Variants in SH3GL2 observed in about 807,000 individuals in gnomAD.
SH3GL2 encodes the protein endophilin-A1.
A neutral mutation model predicts 46.0 loss-of-function variants in SH3GL2; 24 were observed. That is an observed-to-expected ratio of 0.52 (90% CI 0.38 to 0.73). The LOEUF (loss-of-function observed/expected upper bound fraction) is 0.73. Ranked by LOEUF, SH3GL2 falls within the 30% of genes least tolerant of loss-of-function variation. The probability of loss-of-function intolerance (pLI) is 0.00; values close to 1 mark genes in which losing one functional copy is unlikely to be tolerated. For synonymous variants in SH3GL2, 196 were observed against 147.1 expected (o/e 1.33, Z -2.40); for missense variants, 413 against 424.2 (o/e 0.97, Z 0.23).
chr9:17,609,254 A>G (rs189996755), intron 1 of SH3GL2, among the ~76,000 whole-genome samples: 45 of 152,310 alleles, frequency 3.0e-4, no homozygotes, highest in Admixed American at 5.9e-4. Context: ...AGGTATAATT[A>G]GAGTTTGAAG....
chr9:17,654,960 A>G (rs569925918), intron 1 of SH3GL2, among the ~76,000 whole-genome samples: 132 of 152,346 alleles, frequency 8.7e-4, no homozygotes, highest in African/African-American at 3.0e-3. Context: ...GTGAGATTAA[A>G]TAGGTACTGG....
At chr9:17,669,672 G>A (rs1360806261) in intron 1 of SH3GL2, among the ~76,000 whole-genome samples, 1 of 152,124 alleles carries the variant, frequency 6.6e-6, no homozygotes, top group African/African-American at 2.4e-5. Context: ...GAAGGACACC[G>A]GGGTTGGTTC....
chr9:17,795,712 A>C lies in SH3GL2; in HGVS notation c.1028A>C (p.Tyr343Ser). The C allele has an allele frequency of 1.2e-6, 2 of 1,613,990 alleles. No individual in the cohort carries two copies. Among genetic ancestry groups the C allele is most frequent in the Non-Finnish European group, 1.7e-6 (2 of 1,179,934 alleles). The change falls in exon 9 of 9, where the codon TAT (tyrosine) becomes TCT (serine). Residue 343 changes from tyrosine to serine, a missense_variant. This residue lies in a region of SH3GL2 where 248 missense variants were observed against 215.0 expected (regional missense o/e 1.15). Coordinates refer to ENST00000380607, the MANE Select transcript of SH3GL2 (RefSeq NM_003026.5). ...CATTCAGGCTTCTTCCCCATCAATT[A>C]TGTGGAAATTCTGGTTGCCCTGCCC... ...HGHSGFFPIN[Y>S]VEILVALPH is the part of the protein sequence containing the mutation.
At chr9:17,650,193 A>G (rs1245152651) in intron 1 of SH3GL2, among the ~76,000 whole-genome samples, 1 of 152,216 alleles carries the variant, frequency 6.6e-6, no homozygotes, top group Non-Finnish European at 1.5e-5. Context: ...GCTGTGTTTG[A>G]TAAAAAGTAA....
intron 6 of SH3GL2, chr9:17,790,528 T>G (rs9406730): frequency 0.078 from 31,564 of 402,120 alleles, 2,941 homozygotes; most frequent in African/African-American, 0.32. Context: ...GAATACTGTG[T>G]GCATGAGGGG....
intron 1 of SH3GL2, among the ~76,000 whole-genome samples, chr9:17,657,573 C>A: frequency 6.6e-6 from 1 of 152,098 alleles, no homozygotes; most frequent in East Asian, 1.9e-4. Context: ...GTAAAACTAC[C>A]CTGCCTCCCA....
chr9:17,749,527 T>G (rs1822786343), intron 2 of SH3GL2, among the ~76,000 whole-genome samples: 1 of 152,168 alleles, frequency 6.6e-6, no homozygotes, highest in South Asian at 2.1e-4. Flanking sequence ...AGGCAGGTAT[T>G]TAGGAATTTG....
intron 1 of SH3GL2, among the ~76,000 whole-genome samples, chr9:17,718,182 C>G (rs990092907): frequency 1.3e-5 from 2 of 152,098 alleles, no homozygotes; most frequent in African/African-American, 4.8e-5. Flanking sequence ...AAATAGAAAA[C>G]AATTTTCTGA....
chr9:17,756,063 A>T (rs1023961437), intron 2 of SH3GL2, among the ~76,000 whole-genome samples: 4 of 151,692 alleles, frequency 2.6e-5, no homozygotes, highest in African/African-American at 9.7e-5. Flanking sequence ...GTCTCTTACA[A>T]CTCCTTGCCA....
At position 17,796,307 on chromosome 9, in the gene SH3GL2, A is replaced by C. The variant is rs539680279; in HGVS notation, c.*564A>C. ...TTCAAAGCATTCTCTGCAAATAGGC[A>C]TCTCAGCTCCTCACACTTATGGCTA... On this transcript the variant is annotated 3_prime_UTR_variant, in exon 9 of 9. Transcript: ENST00000380607. 13 of 152,814 alleles carry C rather than the reference A, an allele frequency of 8.5e-5. No homozygotes were observed. Among genetic ancestry groups the C allele is most frequent in the African/African-American group, 2.9e-4 (12 of 41,464 alleles). 9.5% of individuals were successfully genotyped at this position (152,814 alleles called of 1,614,324 possible). A position where few individuals can be genotyped will look rare whatever the true frequency, so the allele number is the denominator to read the frequency against.
At chr9:17,690,644 C>T (rs1026467199) in intron 1 of SH3GL2, among the ~76,000 whole-genome samples, 1 of 152,080 alleles carries the variant, frequency 6.6e-6, no homozygotes, top group African/African-American at 2.4e-5. Flanking sequence ...TGCACTGTGG[C>T]TTGCATGTGG....
chr9:17,768,381 A>AC (rs1425430956), intron 3 of SH3GL2, among the ~76,000 whole-genome samples: 1 of 151,756 alleles, frequency 6.6e-6, no homozygotes, highest in African/African-American at 2.4e-5. Context: ...AAAAAAAAAA[A>AC]AAAAAAAAAA....
chr9:17,795,340 G>A (rs141096534), intron 8 of SH3GL2, among the ~76,000 whole-genome samples: 5 of 152,300 alleles, frequency 3.3e-5, no homozygotes, highest in African/African-American at 1.2e-4. Flanking sequence ...GTCCGAGAAA[G>A]CTTCTGAGGA....
intron 1 of SH3GL2, among the ~76,000 whole-genome samples, chr9:17,617,441 C>T (rs149526626): frequency 9.2e-5 from 14 of 152,192 alleles, no homozygotes; most frequent in African/African-American, 3.4e-4. Context: ...GATTTCATGG[C>T]CAAATAAATT....
intron 1 of SH3GL2, among the ~76,000 whole-genome samples, chr9:17,623,672 C>G (rs1003891774): frequency 3.3e-5 from 5 of 150,542 alleles, no homozygotes; most frequent in Non-Finnish European, 7.4e-5. Context: ...TCTAATTCAC[C>G]TTTTCTTATA....
intron 1 of SH3GL2, among the ~76,000 whole-genome samples, chr9:17,658,327 A>C (rs1193915434): frequency 6.6e-6 from 1 of 152,216 alleles, no homozygotes; most frequent in Non-Finnish European, 1.5e-5. Context: ...TACCTGTTTT[A>C]GTAGCAAATT....
intron 1 of SH3GL2, among the ~76,000 whole-genome samples, chr9:17,603,598 C>T (rs960465497): frequency 6.6e-6 from 1 of 152,106 alleles, no homozygotes; most frequent in Admixed American, 6.6e-5. Context: ...TGGTGGCTCA[C>T]TCCTGTAATC....
intron 2 of SH3GL2, among the ~76,000 whole-genome samples, chr9:17,749,064 T>C (rs1456706842): frequency 6.6e-6 from 1 of 152,202 alleles, no homozygotes; most frequent in Non-Finnish European, 1.5e-5. Flanking sequence ...GATTTTATAC[T>C]GGAATTCTGA....
intron 1 of SH3GL2, among the ~76,000 whole-genome samples, chr9:17,651,404 C>G (rs1380379287): frequency 6.6e-6 from 1 of 152,112 alleles, no homozygotes; most frequent in African/African-American, 2.4e-5. Flanking sequence ...GACATTTTCT[C>G]CTTGAGAATC....
Sources: gnomAD v4.1 joint callset for allele counts (sites outside exome capture counted in the v4.1 genomes callset) on GRCh38, gnomAD v4.1.1 for gene constraint, gnomAD v4.1.1 regional missense constraint, MANE v1.5 for transcripts, NCBI Gene and HGNC (gene_info 2026-07-23, HGNC 2026-07-21) for gene names.